RBFOX1: variants seen among roughly 807,000 people sequenced by gnomAD.
RBFOX1 encodes RNA binding protein fox-1 homolog 1.
RBFOX1 carries 8 observed loss-of-function variants against 57.7 expected under a neutral mutation model. The ratio of observed to expected loss-of-function variants is 0.14; its 90% CI spans 0.08 to 0.25. The LOEUF is 0.25. RBFOX1 is among the 10% of genes least tolerant of loss of function. RBFOX1 has a pLI of 1.00. For synonymous variants in RBFOX1, 326 were observed against 222.4 expected (o/e 1.47, Z -4.15); for missense variants, 611 against 548.5 (o/e 1.11, Z -1.14).
chr16:7,014,376 C>G (rs571575220), intron 3 of RBFOX1, among the ~76,000 whole-genome samples: 1 of 151,192 alleles, frequency 6.6e-6, no homozygotes, highest in Non-Finnish European at 1.5e-5. Context: ...CCACGCCTGG[C>G]TTTTTTTTAT....
intron 4 of RBFOX1, among the ~76,000 whole-genome samples, chr16:7,059,536 A>G (rs1212689490): frequency 6.6e-6 from 1 of 152,226 alleles, no homozygotes; most frequent in Non-Finnish European, 1.5e-5. Context: ...ATAATCATTG[A>G]CAACCATTGG....
chr16:6,439,798 C>G (rs1004858702), intron 2 of RBFOX1, among the ~76,000 whole-genome samples: 3 of 152,100 alleles, frequency 2.0e-5, no homozygotes, highest in Admixed American at 6.6e-5. Context: ...TTCCACATTA[C>G]AAACACACCT....
intron 1 of RBFOX1, among the ~76,000 whole-genome samples, chr16:6,234,139 C>T (rs1017586212): frequency 3.3e-5 from 5 of 152,248 alleles, no homozygotes; most frequent in South Asian, 2.1e-4. Flanking sequence ...AACCAGTCAC[C>T]TCTTAAAGCC....
chr16:6,750,842 T>C (rs1212494456), intron 3 of RBFOX1, among the ~76,000 whole-genome samples: 1 of 152,126 alleles, frequency 6.6e-6, no homozygotes, highest in Non-Finnish European at 1.5e-5. Context: ...GGGATGTGTG[T>C]GATGATGAAA....
At chr16:6,209,989 T>A (rs1050300221) in intron 1 of RBFOX1, among the ~76,000 whole-genome samples, 14 of 152,064 alleles carry the variant, frequency 9.2e-5, no homozygotes, top group Admixed American at 7.9e-4. Context: ...AGATTTTATA[T>A]TTCTTCTCCA....
At chr16:7,614,244 C>G (rs914687422) in intron 10 of RBFOX1, 5 of 152,200 alleles carry the variant, frequency 3.3e-5, no homozygotes, top group African/African-American at 1.2e-4. Flanking sequence ...AGTCCCCGAG[C>G]AAAGGATTTT....
intron 2 of RBFOX1, among the ~76,000 whole-genome samples, chr16:6,559,511 A>T (rs918408568): frequency 2.0e-5 from 3 of 152,084 alleles, no homozygotes; most frequent in African/African-American, 4.8e-5. Context: ...CATGAATTTC[A>T]TGTTGAGGAA....
chr16:6,760,175 TG>T (rs2076405654), intron 3 of RBFOX1, among the ~76,000 whole-genome samples: 1 of 152,218 alleles, frequency 6.6e-6, no homozygotes, highest in African/African-American at 2.4e-5. Context: ...AGCATCGCTA[TG>T]TTTGACTCCT....
At chr16:7,122,964 A>G (rs571541528) in intron 4 of RBFOX1, among the ~76,000 whole-genome samples, 1 of 152,234 alleles carries the variant, frequency 6.6e-6, no homozygotes, top group Admixed American at 6.5e-5. Context: ...GACATAGTGT[A>G]TAAATCCATT....
chr16:5,665,597 T>C (rs2049816789), intron 3 of RBFOX1, among the ~76,000 whole-genome samples: 1 of 152,218 alleles, frequency 6.6e-6, no homozygotes, highest in Non-Finnish European at 1.5e-5. Context: ...CCAGTCACCA[T>C]CAGAGAACCA....
chr16:7,454,072 A>G (rs971621107), intron 4 of RBFOX1, among the ~76,000 whole-genome samples: 1 of 152,198 alleles, frequency 6.6e-6, no homozygotes, highest in Non-Finnish European at 1.5e-5. Flanking sequence ...GTCTCTACTA[A>G]AAATACAAAA....
At chr16:6,521,754 G>A (rs550757464) in intron 2 of RBFOX1, among the ~76,000 whole-genome samples, 36 of 152,162 alleles carry the variant, frequency 2.4e-4, no homozygotes, top group Admixed American at 2.0e-3. Context: ...CTTTAGATAC[G>A]CTTTGTAAAC....
At chr16:6,764,139 AG>A (rs1567151940) in intron 3 of RBFOX1, among the ~76,000 whole-genome samples, 1 of 152,196 alleles carries the variant, frequency 6.6e-6, no homozygotes, top group Non-Finnish European at 1.5e-5. Flanking sequence ...GGAGAGGGAA[AG>A]ATGGGCATTC....
chr16:6,750,285 C>T (rs767084035), intron 3 of RBFOX1, among the ~76,000 whole-genome samples: 1 of 152,164 alleles, frequency 6.6e-6, no homozygotes, highest in Non-Finnish European at 1.5e-5. Flanking sequence ...TTGAATCATT[C>T]TCATAGCCTC....
At chr16:6,167,022 C>T (rs1183018616) in intron 1 of RBFOX1, among the ~76,000 whole-genome samples, 2 of 152,168 alleles carry the variant, frequency 1.3e-5, no homozygotes, top group South Asian at 2.1e-4. Flanking sequence ...TTCTGCCTGC[C>T]TCAGCCTCCC....
intron 2 of RBFOX1, among the ~76,000 whole-genome samples, chr16:5,531,081 C>T (rs761726651): frequency 7.9e-5 from 12 of 151,686 alleles, no homozygotes; most frequent in Admixed American, 1.3e-4. Context: ...GCCGAGATTG[C>T]GCCACTGCAC....
intron 3 of RBFOX1, among the ~76,000 whole-genome samples, chr16:5,710,253 A>T (rs2051435946): frequency 1.3e-5 from 2 of 152,188 alleles, no homozygotes; most frequent in Non-Finnish European, 2.9e-5. Flanking sequence ...ATTGTGGATC[A>T]GGTAACCCAA....
intron 2 of RBFOX1, among the ~76,000 whole-genome samples, chr16:6,542,097 T>C (rs2096828707): frequency 6.6e-6 from 1 of 151,910 alleles, no homozygotes; most frequent in African/African-American, 2.4e-5. Flanking sequence ...CAGAGATAAC[T>C]TTTTTTTCTT....
Position 6,371,515 on chromosome 16 carries a change from C to T in RBFOX1, c.-64+54458C>T, listed in dbSNP as rs1165413526. Among the ~76,000 whole-genome samples the T allele has an allele frequency of 1.4e-4, 21 of 152,104 alleles. 1 individual carries two copies. The highest frequency in any genetic ancestry group is 1.4e-3 in the Admixed American group (21 of 15,272). On this transcript the variant is annotated intron_variant, in intron 2 of 15. Coordinates refer to ENST00000550418, the MANE Select transcript of RBFOX1 (RefSeq NM_018723.4). ...AGCCCCTTCAAGCTGGCTCCTGTAT[C>T]ATTTTGACATAAACCCGTAAGTTTT...
Sources: gnomAD v4.1 joint callset for allele counts (sites outside exome capture counted in the v4.1 genomes callset) on GRCh38, gnomAD v4.1.1 for gene constraint, MANE v1.5 for transcripts, NCBI Gene and HGNC (gene_info 2026-07-23, HGNC 2026-07-21) for gene names.